ZC3H12A: variants seen among roughly 807,000 people sequenced by gnomAD.
The protein encoded by ZC3H12A is zinc finger CCCH-type containing 12A.
Under a neutral mutation model 29.9 loss-of-function variants are expected in ZC3H12A, and 9 were observed. The ratio of observed to expected loss-of-function variants is 0.30; its 90% confidence interval spans 0.18 to 0.53. The LOEUF (loss-of-function observed/expected upper bound fraction) is 0.53. ZC3H12A is among the 20% of genes least tolerant of loss of function. The pLI, the probability that ZC3H12A is intolerant of heterozygous loss-of-function variation, is 0.96. For missense variants in ZC3H12A, 617 were observed against 799.0 expected (o/e 0.77, Z 2.75); for synonymous variants, 323 against 338.1 (o/e 0.96, Z 0.49).
At position 37,479,030 on chromosome 1, in the gene ZC3H12A, C is replaced by G; in HGVS notation, c.444-1260C>G. 1 of 985,254 alleles carries G rather than the reference C, an allele frequency of 1.0e-6. No individual in the cohort carries two copies. The highest frequency in any genetic ancestry group is 4.7e-5 in the South Asian group (1 of 21,278). The allele number at this position is 985,254 out of a possible 1,614,324, so 61.0% of individuals were successfully genotyped here. A position where few individuals can be genotyped will look rare whatever the true frequency, so the allele number is the denominator to read the frequency against. On this transcript the variant is annotated intron_variant, in intron 2 of 5. Coordinates refer to ENST00000373087, the MANE Select transcript of ZC3H12A (RefSeq NM_025079.3). The surrounding 1 kb of genome is among the most constrained non-coding windows in gnomAD (Gnocchi z 4.5). ...TCCCTAGCTTCTCTTAGGGCTCCAG[C>G]TATCACCCCTTACCTCCCCCACTCC...
In ZC3H12A at chr1:37,483,916, G is replaced by A. The variant is rs899919370; in HGVS notation, c.*305G>A. 1.6e-5 allele frequency: 5 copies of A among 312,924 alleles called. No individual in the cohort carries two copies. Among genetic ancestry groups the A allele is most frequent in the Non-Finnish European group, 3.0e-5 (5 of 168,322 alleles). The allele number at this position is 312,924 out of a possible 1,614,324, so 19.4% of individuals were successfully genotyped here. ...TCGGTCCGTGGCTGAGGCCCAAACC[G>A]TCTTTTCTCTCAGAGGGTGGGGAGG... is the stretch of plus-strand genomic sequence containing the variant. On this transcript the variant is annotated 3_prime_UTR_variant, in exon 6 of 6. Coordinates refer to ENST00000373087, the MANE Select transcript of ZC3H12A (RefSeq NM_025079.3).
chr1:37,474,832 A>T (rs1357770423), intron 1 of ZC3H12A, among the ~76,000 whole-genome samples: 1 of 152,080 alleles, frequency 6.6e-6, no homozygotes, highest in East Asian at 1.9e-4. Context: ...AGAGCCGGGG[A>T]AGAGCACCAG....
In ZC3H12A at chr1:37,481,665, G is replaced by A. The variant is rs141193925; in HGVS notation, c.648G>A (p.Val216=). 332 of 1,614,240 alleles carry A rather than the reference G, an allele frequency of 2.1e-4. No individual in the cohort carries two copies. In the African/African-American group the frequency reaches 4.0e-3, roughly 19 times the overall value. The change falls in exon 4 of 6, where the codon GTG becomes GTA. Residue 216 remains valine (V), a synonymous_variant. Transcript: ENST00000373087. ...TGGTGTTCACACCATCACGACGCGT[G>A]GGTGGCAAGCGGGTGGTGTGCTATG... ...KILVFTPSRR[V]GGKRVVCYDD... is the part of the protein sequence containing the mutation.
rs764322879 is a variant in ZC3H12A, at chr1:37,482,940, G to A, written c.1129G>A (p.Asp377Asn). 10 of 1,613,494 alleles carry A rather than the reference G, an allele frequency of 6.2e-6. No homozygotes were observed. In the South Asian group the frequency reaches 1.1e-4, roughly 18 times the overall value. The change falls in exon 6 of 6, where the codon GAT (aspartate) becomes AAT (asparagine). Residue 377 changes from aspartate (D) to asparagine (N), a missense_variant. Coordinates refer to ENST00000373087, the MANE Select transcript of ZC3H12A (RefSeq NM_025079.3). The stretch of plus-strand genomic sequence containing the variant: ...AACAGAGAGTGAGCAGTGCAGCCTG[G>A]ATGGGAAGAAGCTGGGGGCCCAGGC... ...LLTESEQCSLDGKKLGAQASP... is the reference protein window; with the variant it reads ...LLTESEQCSLNGKKLGAQASP...
rs1416855656 is a variant in ZC3H12A, at chr1:37,480,544, A to AT, written c.583+118dup. Reference sequence around the variant, plus strand: ...TTCTAGAACTCAAGCAGGGACCAGCATTTCTTTTCTCAGTTTTTTCTGTCC... The same window carrying AT: ...TTCTAGAACTCAAGCAGGGACCAGCATTTTCTTTTCTCAGTTTTTTCTGTCC... On this transcript the variant is annotated intron_variant, in intron 3 of 5. Transcript: ENST00000373087. The AT allele has an allele frequency of 1.5e-4, 211 of 1,371,994 alleles. 1 individual carries two copies. The Middle Eastern group carries it at 6.1e-3, about 40-fold the overall frequency. The allele number at this position is 1,371,994 out of a possible 1,614,324, so 85.0% of individuals were successfully genotyped here.
At chr1:37,477,341 G>A (rs1641610933) in intron 2 of ZC3H12A, among the ~76,000 whole-genome samples, 1 of 152,184 alleles carries the variant, frequency 6.6e-6, no homozygotes, top group Non-Finnish European at 1.5e-5. Context: ...GAGGGGCTGT[G>A]ATGAGGGGTG....
Position 37,483,177 on chromosome 1 carries a change from G to C in ZC3H12A, c.1366G>C (p.Gly456Arg), listed in dbSNP as rs1426972722. ...QMSELWGVRG[G>R]GPGEPGPPRA... is the part of the protein sequence containing the mutation. Reference sequence around the variant, plus strand: ...GTCGGAACTTTGGGGGGTTCGAGGAGGAGGCCCTGGTGAGCCGGGCCCACC... The same window carrying C: ...GTCGGAACTTTGGGGGGTTCGAGGACGAGGCCCTGGTGAGCCGGGCCCACC... The change falls in exon 6 of 6, where the codon GGA becomes CGA. Residue 456 changes from glycine (G) to arginine (R), a missense_variant. Gly to Arg is a moderately radical substitution (Grantham distance 125). This residue lies in a region of ZC3H12A where 172 missense variants were observed against 203.1 expected (regional missense o/e 0.85). Transcript: ENST00000373087. The C allele has an allele frequency of 1.2e-6, 2 of 1,613,494 alleles. No homozygotes were observed. Among genetic ancestry groups the C allele is most frequent in the Admixed American group, 1.7e-5 (1 of 60,020 alleles).
In ZC3H12A at chr1:37,478,261, G is replaced by A. The variant is rs927202245; in HGVS notation, c.444-2029G>A. On this transcript the variant is annotated intron_variant, in intron 2 of 5. Transcript: ENST00000373087. This position sits in a 1 kb window ranked among gnomAD's most constrained non-coding sequence, Gnocchi z 5.2. ...TCAGGGAAGGCTTCTCAGAGGCAGT[G>A]ACATCTCACAAGGGTTCTGAAGGAA... is the stretch of plus-strand genomic sequence containing the variant. Among the ~76,000 whole-genome samples the A allele has an allele frequency of 6.6e-6, 1 of 152,216 alleles. No individual in the cohort carries two copies. The highest frequency in any genetic ancestry group is 1.5e-5 in the Non-Finnish European group (1 of 68,046).
intron 3 of ZC3H12A, among the ~76,000 whole-genome samples, chr1:37,480,761 C>T (rs1641685066): frequency 6.6e-6 from 1 of 152,228 alleles, no homozygotes; most frequent in African/African-American, 2.4e-5. Flanking sequence ...GGAATCCTGG[C>T]TCTGTCCCCT....
At position 37,475,188 on chromosome 1, in the gene ZC3H12A, C is replaced by T. The variant is rs189071927; in HGVS notation, c.-38-271C>T. On this transcript the variant is annotated intron_variant, in intron 1 of 5. Coordinates refer to ENST00000373087, the MANE Select transcript of ZC3H12A (RefSeq NM_025079.3). This position sits in a 1 kb window ranked among gnomAD's most constrained non-coding sequence, Gnocchi z 5.2. Reference sequence around the variant, plus strand: ...TCGAGGCTTTACAGCTGGGGTAGTTCCAGTCTTAGTTCAGACTAAGTTCCG... The same window carrying T: ...TCGAGGCTTTACAGCTGGGGTAGTTTCAGTCTTAGTTCAGACTAAGTTCCG... 1.4e-4 allele frequency among the ~76,000 whole-genome samples: 22 copies of T among 152,366 alleles called. No individual in the cohort carries two copies. Among genetic ancestry groups the T allele is most frequent in the Admixed American group, 2.6e-4 (4 of 15,306 alleles).
Position 37,479,174 on chromosome 1 carries a change from G to A in ZC3H12A, c.444-1116G>A, listed in dbSNP as rs1235934192. The stretch of plus-strand genomic sequence containing the variant: ...CTGTTCACTGAGGGGGCAGTGAGAC[G>A]TGGGGCTGCTGGTCCTAGGAGCTCT... On this transcript the variant is annotated intron_variant, in intron 2 of 5. Transcript: ENST00000373087. This position sits in a 1 kb window ranked among gnomAD's most constrained non-coding sequence, Gnocchi z 4.5. 12 of 985,428 alleles carry A rather than the reference G, an allele frequency of 1.2e-5. No homozygotes were observed. The highest frequency in any genetic ancestry group is 1.1e-4 in the East Asian group (1 of 8,818). The allele number at this position is 985,428 out of a possible 1,614,324, so 61.0% of individuals were successfully genotyped here.
At chr1:37,481,870 G>C (rs1391207937) in intron 4 of ZC3H12A, 35 bp downstream of exon 4, 1 of 1,587,484 alleles carries the variant, frequency 6.3e-7, no homozygotes, top group South Asian at 1.1e-5. Flanking sequence ...ACAGACTTGG[G>C]GTCCACAGGG....
Position 37,483,533 on chromosome 1 carries a change from G to A in ZC3H12A, c.1722G>A (p.Gly574=), listed in dbSNP as rs1641761602. The change falls in exon 6 of 6, where the codon GGG becomes GGA. Residue 574 remains glycine, a synonymous_variant. Transcript: ENST00000373087. The part of the protein sequence containing the change: ...FPPHLVEAVM[G]RFPQLLDPQQ... The stretch of plus-strand genomic sequence containing the variant: ...CGCACCTGGTGGAGGCTGTGATGGG[G>A]CGCTTCCCACAGCTCCTGGACCCCC... 1.9e-6 allele frequency: 3 copies of A among 1,613,734 alleles called. No individual in the cohort carries two copies. In the East Asian group the frequency reaches 6.7e-5, roughly 36 times the overall value.
In ZC3H12A at chr1:37,476,080, A is replaced by ACC; in HGVS notation, c.443+141_443+142insCC. 1.1e-6 allele frequency: 1 copy of ACC among 946,004 alleles called. No homozygotes were observed. Among genetic ancestry groups the ACC allele is most frequent in the East Asian group, 2.8e-5 (1 of 36,126 alleles). The allele number at this position is 946,004 out of a possible 1,614,324, so 58.6% of individuals were successfully genotyped here. A position where few individuals can be genotyped will look rare whatever the true frequency, so the allele number is the denominator to read the frequency against. ...CTTAGGGACTGGTCTAGAGGGAGGG[A>ACC]AAGCCTTTTATGAGGCTAGGGTCGC... On this transcript the variant is annotated intron_variant, in intron 2 of 5. Coordinates refer to ENST00000373087, the MANE Select transcript of ZC3H12A (RefSeq NM_025079.3). This position sits in a 1 kb window ranked among gnomAD's most constrained non-coding sequence, Gnocchi z 6.0.
rs575584846 is a variant in ZC3H12A at position 37,475,624 on chromosome 1, C to G, written c.128C>G (p.Ala43Gly). ...RPGQELAAEE[A>G]SALELQMKVD... ...GGTCAAGAGCTGGCCGCTGAGGAGGCCTCGGCCCTGGAACTGCAGATGAAG... is the reference window on the plus strand; with the variant it reads ...GGTCAAGAGCTGGCCGCTGAGGAGGGCTCGGCCCTGGAACTGCAGATGAAG... Residue 43 changes from alanine to glycine, a missense_variant, in exon 2 of 6, where the codon GCC becomes GGC. Around this residue, in one of 5 missense-constraint regions of ZC3H12A, gnomAD observed 67 missense variants for 56.2 expected, o/e 1.19. Coordinates refer to ENST00000373087, the MANE Select transcript of ZC3H12A (RefSeq NM_025079.3). The surrounding 1 kb of genome is among the most constrained non-coding windows in gnomAD (Gnocchi z 5.2). The G allele has an allele frequency of 6.2e-6, 10 of 1,613,964 alleles. No homozygotes were observed. Among genetic ancestry groups the G allele is most frequent in the Non-Finnish European group, 8.5e-6 (10 of 1,180,046 alleles).
At position 37,476,953 on chromosome 1, in the gene ZC3H12A, C is replaced by T. The variant is rs1286756237; in HGVS notation, c.443+1014C>T. ...TGCCCAAGGCTGGCATGACATCAGC[C>T]TCTGCCCTCCCTAATTTGTGGCCCC... is the stretch of plus-strand genomic sequence containing the variant. On this transcript the variant is annotated intron_variant, in intron 2 of 5. Transcript: ENST00000373087. This position sits in a 1 kb window ranked among gnomAD's most constrained non-coding sequence, Gnocchi z 6.0. 1.3e-5 allele frequency among the ~76,000 whole-genome samples: 2 copies of T among 152,226 alleles called. No homozygotes were observed. The highest frequency in any genetic ancestry group is 2.9e-5 in the Non-Finnish European group (2 of 68,036).
In ZC3H12A at chr1:37,479,193, GA is replaced by G; in HGVS notation, c.444-1096del. The G allele has an allele frequency of 3.0e-6, 3 of 985,396 alleles. No individual in the cohort carries two copies. The highest frequency in any genetic ancestry group is 3.6e-6 in the Non-Finnish European group (3 of 829,924). 61.0% of individuals were successfully genotyped at this position (985,396 alleles called of 1,614,324 possible). On this transcript the variant is annotated intron_variant, in intron 2 of 5. Coordinates refer to ENST00000373087, the MANE Select transcript of ZC3H12A (RefSeq NM_025079.3). This position sits in a 1 kb window ranked among gnomAD's most constrained non-coding sequence, Gnocchi z 4.5. Reference sequence around the variant, plus strand: ...TGAGACGTGGGGCTGCTGGTCCTAGGAGCTCTTCCATGACACCTAGTGTTAC... The same window carrying G: ...TGAGACGTGGGGCTGCTGGTCCTAGGGCTCTTCCATGACACCTAGTGTTAC...
At chr1:37,481,349 G>A (rs1641697794) in intron 3 of ZC3H12A, among the ~76,000 whole-genome samples, 1 of 152,260 alleles carries the variant, frequency 6.6e-6, no homozygotes, top group African/African-American at 2.4e-5. Context: ...AACAAGGCCA[G>A]CTCTGTGCTT....
intron 5 of ZC3H12A, 72 bp from the exon 6 acceptor site, chr1:37,482,665 C>A: frequency 6.2e-7 from 1 of 1,610,958 alleles, no homozygotes. Flanking sequence ...GTTTCCTGTG[C>A]CACCCCTTCC....
Sources: gnomAD v4.1 joint callset for allele counts (sites outside exome capture counted in the v4.1 genomes callset) on GRCh38, gnomAD v4.1.1 for gene constraint, gnomAD v4.1.1 regional missense constraint, Gnocchi (gnomAD v3.1) non-coding constraint, MANE v1.5 for transcripts, NCBI Gene and HGNC (gene_info 2026-07-23, HGNC 2026-07-21) for gene names.